The following CREM variants were observed in gnomAD, a reference collection of about 807,000 sequenced individuals.
The protein encoded by CREM is cAMP-responsive element modulator.
CREM carries 13 observed loss-of-function variants against 37.3 expected under a neutral mutation model. The ratio of observed to expected loss-of-function variants is 0.35; its 90% CI spans 0.23 to 0.55. The LOEUF is 0.55. Ranked by LOEUF, CREM falls within the 20% of genes least tolerant of loss-of-function variation. CREM has a pLI of 0.88. For synonymous variants in CREM, 124 were observed against 120.2 expected (o/e 1.03, Z -0.21); for missense variants, 296 against 362.3 (o/e 0.82, Z 1.49).
intron 3 of CREM, among the ~76,000 whole-genome samples, chr10:35,163,987 A>AT (rs200305248): frequency 1.3e-5 from 2 of 151,834 alleles, no homozygotes; most frequent in African/African-American, 4.8e-5. Flanking sequence ...AAAAAAAAAA[A>AT]CAAAAAAAGA....
intron 3 of CREM, among the ~76,000 whole-genome samples, chr10:35,160,659 GC>G (rs1264108563): frequency 6.6e-6 from 1 of 152,156 alleles, no homozygotes; most frequent in African/African-American, 2.4e-5. Flanking sequence ...ATGAACTGTA[GC>G]TTACTGTAAG....
chr10:35,184,242 C>T (rs1310432171), intron 5 of CREM, among the ~76,000 whole-genome samples: 1 of 152,028 alleles, frequency 6.6e-6, no homozygotes, highest in African/African-American at 2.4e-5. Flanking sequence ...ACAGCAAGAC[C>T]CCATCTCTTA....
At chr10:35,185,399 C>T (rs2094516254) in intron 5 of CREM, among the ~76,000 whole-genome samples, 1 of 152,026 alleles carries the variant, frequency 6.6e-6, no homozygotes, top group Non-Finnish European at 1.5e-5. Flanking sequence ...CCACCGCGCC[C>T]GGCCTAGGCT....
intron 3 of CREM, among the ~76,000 whole-genome samples, chr10:35,178,245 T>G (rs962276973): frequency 1.3e-5 from 2 of 152,206 alleles, no homozygotes; most frequent in Non-Finnish European, 2.9e-5. Flanking sequence ...TTACTTGACT[T>G]GAAAAATGAA....
chr10:35,193,443 ATTTC>A (rs1362234081), intron 6 of CREM, among the ~76,000 whole-genome samples: 1 of 152,048 alleles, frequency 6.6e-6, no homozygotes, highest in African/African-American at 2.4e-5. Context: ...ATAAAAATCA[ATTTC>A]TTATTGATTT....
intron 2 of CREM, among the ~76,000 whole-genome samples, chr10:35,146,388 T>A (rs543742316): frequency 6.6e-6 from 1 of 152,350 alleles, no homozygotes; most frequent in South Asian, 2.1e-4. Flanking sequence ...ACTAGCAGAT[T>A]GAAGCTTTTG....
At chr10:35,167,491 CAT>C (rs1315716248) in intron 3 of CREM, 8 of 499,212 alleles carry the variant, frequency 1.6e-5, no homozygotes, top group African/African-American at 7.7e-5. Flanking sequence ...AGCTTTGTGA[CAT>C]GTGCAGCTAT....
At position 35,148,332 on chromosome 10, in the gene CREM, G is replaced by A. The variant is rs374602422; in HGVS notation, c.45-36G>A. On this transcript the variant is annotated intron_variant, in intron 2 of 7. Coordinates refer to ENST00000685392, the MANE Select transcript of CREM (RefSeq NM_183011.2). Reference sequence around the variant, plus strand: ...CTGTATTTCCAAATACTTAAGATAGGGCCTTAATTTGTCTTCCTTTTTATT... The same window carrying A: ...CTGTATTTCCAAATACTTAAGATAGAGCCTTAATTTGTCTTCCTTTTTATT... 12 of 1,587,450 alleles carry A rather than the reference G, an allele frequency of 7.6e-6. No homozygotes were observed. The African/African-American group carries it at 1.4e-4, about 18-fold the overall frequency.
intron 6 of CREM, among the ~76,000 whole-genome samples, chr10:35,199,864 ATTATT>A (rs145302606): frequency 0.15 from 20,965 of 142,884 alleles, 1,783 homozygotes; most frequent in East Asian, 0.24. Context: ...TTAGGTTAAT[ATTATT>A]TTAAGTCGTT....
intron 3 of CREM, among the ~76,000 whole-genome samples, chr10:35,177,947 G>T (rs533531729): frequency 2.0e-5 from 3 of 152,168 alleles, no homozygotes; most frequent in Admixed American, 2.0e-4. Flanking sequence ...TTATGTGTGG[G>T]GCGTTCATGA....
chr10:35,194,298 G>A (rs182635504), intron 6 of CREM, among the ~76,000 whole-genome samples: 5 of 147,232 alleles, frequency 3.4e-5, no homozygotes, highest in East Asian at 2.0e-4. Context: ...CCTTCATTAA[G>A]TGATCCAAAT....
At chr10:35,148,684 C>T in intron 3 of CREM, 193 bp downstream of exon 3, 1 of 550,226 alleles carries the variant, frequency 1.8e-6, no homozygotes, top group East Asian at 3.4e-5. Flanking sequence ...AGCAGTGCCC[C>T]ATCTCCATTG....
At chr10:35,141,945 G>A (rs1241782804) in intron 2 of CREM, among the ~76,000 whole-genome samples, 1 of 152,136 alleles carries the variant, frequency 6.6e-6, no homozygotes, top group Non-Finnish European at 1.5e-5. Flanking sequence ...TGTTGTCAAC[G>A]GTTTGAATGC....
At chr10:35,190,379 A>G (rs1011085141) in intron 6 of CREM, among the ~76,000 whole-genome samples, 1 of 152,184 alleles carries the variant, frequency 6.6e-6, no homozygotes, top group African/African-American at 2.4e-5. Flanking sequence ...AGCCACTCCC[A>G]AGGGTTTGTT....
intron 6 of CREM, among the ~76,000 whole-genome samples, chr10:35,191,042 A>G (rs887798952): frequency 4.6e-5 from 7 of 150,570 alleles, no homozygotes; most frequent in Non-Finnish European, 1.0e-4. Flanking sequence ...AGTCTTGTTT[A>G]TTCAGATCTC....
rs1459184651 is a variant in CREM at position 35,188,207 on chromosome 10, A to T, written c.417A>T (p.Ile139=). The change falls in exon 6 of 8, where the codon ATA becomes ATT. Residue 139 remains isoleucine (I), a synonymous_variant. Coordinates refer to ENST00000685392, the MANE Select transcript of CREM (RefSeq NM_183011.2). ...YQTSTGQYIA[I]AQGGTIQISN... ...TTTTCTTTTTCTGTTAAGTTGCTATAGCCCAAGGTGGAACAATCCAGATTT... is the reference window on the plus strand; with the variant it reads ...TTTTCTTTTTCTGTTAAGTTGCTATTGCCCAAGGTGGAACAATCCAGATTT... 5.0e-6 allele frequency: 8 copies of T among 1,602,756 alleles called. No individual in the cohort carries two copies. Among genetic ancestry groups the T allele is most frequent in the Non-Finnish European group, 6.8e-6 (8 of 1,177,406 alleles).
intron 5 of CREM, among the ~76,000 whole-genome samples, chr10:35,185,123 GAGA>G (rs2094502356): frequency 1.4e-5 from 1 of 71,718 alleles, no homozygotes; most frequent in African/African-American, 5.6e-5. Context: ...TTTTTTTTTT[GAGA>G]CGGAGTTTTG....
intron 2 of CREM, among the ~76,000 whole-genome samples, chr10:35,139,132 T>TA (rs2091070463): frequency 6.6e-6 from 1 of 152,026 alleles, no homozygotes; most frequent in Non-Finnish European, 1.5e-5. Flanking sequence ...TAGCAATTTT[T>TA]TTTTTTTTTG....
intron 6 of CREM, among the ~76,000 whole-genome samples, chr10:35,205,989 C>T (rs1438063054): frequency 1.3e-5 from 2 of 151,750 alleles, no homozygotes; most frequent in African/African-American, 4.8e-5. Flanking sequence ...TGGCTCACAC[C>T]TGTAATCCCA....
Sources: allele counts gnomAD v4.1 joint callset (sites outside exome capture counted in the v4.1 genomes callset), GRCh38; gene constraint gnomAD v4.1.1; transcripts MANE v1.5; gene names NCBI Gene and HGNC (gene_info 2026-07-23, HGNC 2026-07-21).